CGAS: variants seen among roughly 807,000 people sequenced by gnomAD.
CGAS encodes the protein cyclic GMP-AMP synthase.
A neutral mutation model predicts 34.0 loss-of-function variants in CGAS; 31 were observed. The ratio of observed to expected loss-of-function variants is 0.91; its 90% CI spans 0.69 to 1.23. The LOEUF is 1.23. Ranked by LOEUF, CGAS falls within the 50% of genes most tolerant of loss-of-function variation. The pLI, the probability that CGAS is intolerant of heterozygous loss-of-function variation, is 0.00. For synonymous variants in CGAS, 266 were observed against 260.0 expected, an observed-to-expected ratio of 1.02 and a Z score of -0.22; for missense variants, 597 against 657.6, an observed-to-expected ratio of 0.91 and a Z score of 1.01.
Position 73,423,860 on chromosome 6 carries a change from T to TA in CGAS, c.*1366dup, listed in dbSNP as rs1770032876. 6.6e-6 allele frequency: 1 copy of TA among 152,062 alleles called. No homozygotes were observed. Among genetic ancestry groups the TA allele is most frequent in the South Asian group, 2.1e-4 (1 of 4,826 alleles). 9.4% of individuals were successfully genotyped at this position (152,062 alleles called of 1,614,324 possible). A position where few individuals can be genotyped will look rare whatever the true frequency, so the allele number is the denominator to read the frequency against. On this transcript the variant is annotated 3_prime_UTR_variant, in exon 5 of 5. Transcript: ENST00000370315. ...CACCAAAAAATGTGCAGACAACCCA[T>TA]ATGGCAGAAGTTATTTGTTACACAG...
chr6:73,434,868 G>A (rs999527914), intron 3 of CGAS, among the ~76,000 whole-genome samples: 5 of 151,980 alleles, frequency 3.3e-5, no homozygotes, highest in African/African-American at 1.2e-4. Context: ...GGGTGGTTTC[G>A]AACTCTTGAT....
chr6:73,428,832 C>CA (rs1770134663), intron 3 of CGAS, 21 bp from the exon 4 acceptor site: 1 of 1,583,434 alleles, frequency 6.3e-7, no homozygotes, highest in African/African-American at 1.4e-5. Context: ...AAAAGAAAAA[C>CA]AAAAAAGCAC....
intron 1 of CGAS, 115 bp from the exon 2 acceptor site, chr6:73,445,862 T>A (rs761139027): frequency 5.3e-5 from 38 of 715,058 alleles, no homozygotes; most frequent in Non-Finnish European, 8.2e-5. Context: ...AGATTCATAA[T>A]GTCTATATAT....
intron 4 of CGAS, among the ~76,000 whole-genome samples, chr6:73,425,899 A>G (rs1044603519): frequency 6.6e-6 from 1 of 152,186 alleles, no homozygotes; most frequent in Non-Finnish European, 1.5e-5. Context: ...GCTTGAAGCC[A>G]GGAGGCGGAG....
rs1443440613 is a variant in CGAS, at chr6:73,425,214, T to C, written c.*13A>G. The C allele has an allele frequency of 2.0e-6, 3 of 1,533,142 alleles. No homozygotes were observed. The highest frequency in any genetic ancestry group is 2.3e-5 in the East Asian group (1 of 44,126). 95.0% of individuals were successfully genotyped at this position (1,533,142 alleles called of 1,614,324 possible). ...GGTGACTCTAGTTCTTAGATCTTTC[T>C]AAAAATACAATCTCAAAATTCATCA... is the stretch of plus-strand genomic sequence containing the variant. On this transcript the variant is annotated 3_prime_UTR_variant, in exon 5 of 5. Transcript: ENST00000370315.
chr6:73,443,219 C>G (rs548644567), intron 2 of CGAS, among the ~76,000 whole-genome samples: 135 of 147,330 alleles, frequency 9.2e-4, no homozygotes, highest in Non-Finnish European at 1.5e-3. Flanking sequence ...TTTGTTCATT[C>G]TCTTCTTCCC....
intron 4 of CGAS, among the ~76,000 whole-genome samples, chr6:73,427,970 GC>G (rs943745671): frequency 6.6e-6 from 1 of 152,050 alleles, no homozygotes; most frequent in Non-Finnish European, 1.5e-5. Context: ...CAGTCACCAT[GC>G]CTGGCTAATT....
chr6:73,445,957 T>C (rs1562294527), intron 1 of CGAS, among the ~76,000 whole-genome samples: 1 of 152,036 alleles, frequency 6.6e-6, no homozygotes, highest in African/African-American at 2.4e-5. Flanking sequence ...ACTCAATTAA[T>C]TTTTTTTACC....
intron 3 of CGAS, among the ~76,000 whole-genome samples, chr6:73,435,682 T>C (rs1770269760): frequency 6.6e-6 from 1 of 151,708 alleles, no homozygotes; most frequent in African/African-American, 2.4e-5. Context: ...CTCATGCCTA[T>C]AATCCCAGCA....
At position 73,428,754 on chromosome 6, in the gene CGAS, C is replaced by T. The variant is rs970823535; in HGVS notation, c.1172G>A (p.Gly391Glu). Residue 391 changes from glycine (G) to glutamate (E), a missense_variant, in exon 4 of 5, where the codon GGA (glycine) becomes GAA (glutamate). Around this residue, in one of 3 missense-constraint regions of CGAS, gnomAD observed 271 missense variants for 324.1 expected, o/e 0.84. Transcript: ENST00000370315. Reference protein sequence around the residue: ...HIEKEILNNHGKSKTCCENKE... With the variant: ...HIEKEILNNHEKSKTCCENKE... ...GTTTTCACAGCACGTTTTAGATTTTCCATGATTGTTCAAAATTTCCTTTTC... is the reference window on the plus strand; with the variant it reads ...GTTTTCACAGCACGTTTTAGATTTTTCATGATTGTTCAAAATTTCCTTTTC... 27 of 1,613,778 alleles carry T rather than the reference C, an allele frequency of 1.7e-5. No homozygotes were observed. The Admixed American group carries it at 3.0e-4, about 18-fold the overall frequency.
intron 3 of CGAS, among the ~76,000 whole-genome samples, chr6:73,435,745 CCT>C (rs1197773389): frequency 1.4e-5 from 2 of 147,222 alleles, no homozygotes; most frequent in Non-Finnish European, 3.0e-5. Flanking sequence ...TTGAGACCAG[CCT>C]GGGCAACATA....
intron 3 of CGAS, among the ~76,000 whole-genome samples, chr6:73,431,618 A>T (rs1465799617): frequency 6.6e-6 from 1 of 152,234 alleles, no homozygotes; most frequent in Admixed American, 6.5e-5. Flanking sequence ...AAATTGAAGT[A>T]AATTGAGTAA....
rs926410228 is a variant in CGAS at position 73,451,525 on chromosome 6, C to T, written c.657G>A (p.Lys219=). The T allele has an allele frequency of 6.4e-7, 1 of 1,551,732 alleles. No homozygotes were observed. Among genetic ancestry groups the T allele is most frequent in the Non-Finnish European group, 8.7e-7 (1 of 1,146,250 alleles). Residue 219 remains lysine, a splice_region_variant and synonymous_variant, in exon 1 of 5, where the codon AAG becomes AAA. Transcript: ENST00000370315. Reference sequence around the variant, plus strand: ...GGCGGGAGGGCGCCAAGCAGCTCACCTTCACGTGCTCATAGTAGCTCCCGG... The same window carrying T: ...GGCGGGAGGGCGCCAAGCAGCTCACTTTCACGTGCTCATAGTAGCTCCCGG... ...LNTGSYYEHV[K]ISAPNEFDVM...
Position 73,452,234 on chromosome 6 carries a change from A to T in CGAS, c.-53T>A. On this transcript the variant is annotated 5_prime_UTR_variant, in exon 1 of 5. Coordinates refer to ENST00000370315, the MANE Select transcript of CGAS (RefSeq NM_138441.3). The stretch of plus-strand genomic sequence containing the variant: ...AGAATCCGTTTCAGGAAAAGGCCGC[A>T]AGAGGAAGAGCCAGCAGCAGCTGTT... 2 of 1,529,804 alleles carry T rather than the reference A, an allele frequency of 1.3e-6. No homozygotes were observed. The highest frequency in any genetic ancestry group is 1.8e-6 in the Non-Finnish European group (2 of 1,137,998). The allele number at this position is 1,529,804 out of a possible 1,614,324, so 94.8% of individuals were successfully genotyped here.
At position 73,423,881 on chromosome 6, in the gene CGAS, C is replaced by G. The variant is rs1040310068; in HGVS notation, c.*1346G>C. On this transcript the variant is annotated 3_prime_UTR_variant, in exon 5 of 5. Coordinates refer to ENST00000370315, the MANE Select transcript of CGAS (RefSeq NM_138441.3). The stretch of plus-strand genomic sequence containing the variant: ...CCCATATGGCAGAAGTTATTTGTTA[C>G]ACAGACAACGAATGAAAGATAAATA... 6.6e-6 allele frequency: 1 copy of G among 152,046 alleles called. No homozygotes were observed. The highest frequency in any genetic ancestry group is 2.4e-5 in the African/African-American group (1 of 41,414). The allele number at this position is 152,046 out of a possible 1,614,324, so 9.4% of individuals were successfully genotyped here. A position where few individuals can be genotyped will look rare whatever the true frequency, so the allele number is the denominator to read the frequency against.
chr6:73,439,396 G>T (rs377001298), intron 3 of CGAS, among the ~76,000 whole-genome samples: 28 of 150,516 alleles, frequency 1.9e-4, no homozygotes, highest in African/African-American at 6.8e-4. Flanking sequence ...CAGGAGAATC[G>T]CTTTAACCCG....
intron 2 of CGAS, among the ~76,000 whole-genome samples, chr6:73,441,922 C>T (rs1003899880): frequency 1.8e-4 from 28 of 152,014 alleles, no homozygotes; most frequent in Non-Finnish European, 1.5e-5. Context: ...AGGCTGGATG[C>T]AGTGCAGTGG....
intron 2 of CGAS, among the ~76,000 whole-genome samples, chr6:73,440,851 G>A (rs1458237140): frequency 6.6e-6 from 1 of 151,564 alleles, no homozygotes. Context: ...GCAGTGAGCC[G>A]AGATCACATG....
chr6:73,447,247 T>C (rs1314406044), intron 1 of CGAS, among the ~76,000 whole-genome samples: 1 of 152,196 alleles, frequency 6.6e-6, no homozygotes, highest in African/African-American at 2.4e-5. Context: ...TATTTATTCC[T>C]AAATATTTGA....
Sources: gnomAD v4.1 joint callset for allele counts (sites outside exome capture counted in the v4.1 genomes callset) on GRCh38, gnomAD v4.1.1 for gene constraint, gnomAD v4.1.1 regional missense constraint, MANE v1.5 for transcripts, NCBI Gene and HGNC (gene_info 2026-07-23, HGNC 2026-07-21) for gene names.